The following PTPN9 variants were observed in gnomAD, a reference collection of about 807,000 sequenced individuals.
The protein encoded by PTPN9 is protein tyrosine phosphatase non-receptor type 9.
Under a neutral mutation model 69.8 loss-of-function variants are expected in PTPN9, and 26 were observed. That is an observed-to-expected ratio of 0.37 (90% confidence interval 0.27 to 0.52). The LOEUF (loss-of-function observed/expected upper bound fraction) is 0.52. Among genes scored for constraint, PTPN9 ranks in the 20% least tolerant of loss-of-function variants. PTPN9 has a pLI of 0.91. For missense variants in PTPN9, 549 were observed against 740.3 expected (o/e 0.74, Z 3.00); for synonymous variants, 274 against 272.5 (o/e 1.01, Z -0.05).
chr15:75,561,299 G>C (rs1414162865), intron 1 of PTPN9, among the ~76,000 whole-genome samples: 1 of 147,710 alleles, frequency 6.8e-6, no homozygotes, highest in Non-Finnish European at 1.5e-5. Context: ...TGGGCAACAA[G>C]AACAAAACTC....
chr15:75,498,957 A>C (rs2074758548), intron 7 of PTPN9, among the ~76,000 whole-genome samples: 1 of 152,216 alleles, frequency 6.6e-6, no homozygotes, highest in South Asian at 2.1e-4. Flanking sequence ...TATCTATATT[A>C]ACATTCTGGC....
intron 1 of PTPN9, among the ~76,000 whole-genome samples, chr15:75,566,183 G>A (rs1395184490): frequency 2.0e-5 from 3 of 150,782 alleles, no homozygotes; most frequent in South Asian, 4.2e-4. Context: ...AGCCACAAAG[G>A]AAGCTGAGGG....
intron 7 of PTPN9, among the ~76,000 whole-genome samples, chr15:75,491,281 T>C (rs2074709438): frequency 6.6e-6 from 1 of 151,298 alleles, no homozygotes; most frequent in African/African-American, 2.4e-5. Flanking sequence ...CACACACCTG[T>C]AATCCCAGCT....
At position 75,466,659 on chromosome 15, in the gene PTPN9, G is replaced by A. The variant is rs1168622383; in HGVS notation, c.*2110C>T. 6.6e-6 allele frequency: 1 copy of A among 152,192 alleles called. No individual in the cohort carries two copies. The highest frequency in any genetic ancestry group is 1.5e-5 in the Non-Finnish European group (1 of 68,044). 9.4% of individuals were successfully genotyped at this position (152,192 alleles called of 1,614,324 possible). A position where few individuals can be genotyped will look rare whatever the true frequency, so the allele number is the denominator to read the frequency against. On this transcript the variant is annotated 3_prime_UTR_variant, in exon 13 of 13. Coordinates refer to ENST00000618819, the MANE Select transcript of PTPN9 (RefSeq NM_002833.4). The stretch of plus-strand genomic sequence containing the variant: ...TTTAAGAACTTTTTTTACTCTGAAA[G>A]GAGAGCTAAACAAACCTCTGTTCTC...
At chr15:75,536,812 A>G (rs1322069074) in intron 1 of PTPN9, among the ~76,000 whole-genome samples, 3 of 152,160 alleles carry the variant, frequency 2.0e-5, no homozygotes, top group African/African-American at 7.2e-5. Flanking sequence ...AATAACTATA[A>G]GCAGTGGGGA....
chr15:75,578,771 C>A lies in PTPN9; in HGVS notation c.6G>T (p.Glu2Asp). 1 of 1,259,982 alleles carries A rather than the reference C, an allele frequency of 7.9e-7. No homozygotes were observed. Among genetic ancestry groups the A allele is most frequent in the Non-Finnish European group, 1.0e-6 (1 of 1,003,994 alleles). 78.1% of individuals were successfully genotyped at this position (1,259,982 alleles called of 1,614,324 possible). A position where few individuals can be genotyped will look rare whatever the true frequency, so the allele number is the denominator to read the frequency against. ...TGTCGGGCCGGGGCGCGGTCGCGGG[C>A]TCCATCCCCCCGCCACCGCCGCCGG... M[E>D]PATAPRPDMA... Residue 2 changes from glutamate to aspartate, a missense_variant, in exon 1 of 13, where the codon GAG becomes GAT. By Grantham distance (45) the Glu-to-Asp change is conservative (BLOSUM62 2). This residue lies in a region of PTPN9 where 62 missense variants were observed against 53.6 expected (regional missense o/e 1.16). Transcript: ENST00000618819.
At chr15:75,494,364 CAGGGGGTGGACAG>C (rs2074728113) in intron 7 of PTPN9, among the ~76,000 whole-genome samples, 1 of 151,308 alleles carries the variant, frequency 6.6e-6, no homozygotes, top group South Asian at 2.1e-4. Context: ...TTTTTTTTTG[CAGGGGGTGGACAG>C]AGTCTCGCTC....
chr15:75,503,797 A>C (rs1595955026), intron 7 of PTPN9, among the ~76,000 whole-genome samples: 1 of 86,038 alleles, frequency 1.2e-5, no homozygotes, highest in Non-Finnish European at 2.3e-5. Context: ...CCCGTCCGGG[A>C]GGGAGGTGGG....
At chr15:75,530,670 TTA>T (rs1389573148) in intron 1 of PTPN9, among the ~76,000 whole-genome samples, 1 of 53,234 alleles carries the variant, frequency 1.9e-5, no homozygotes, top group Non-Finnish European at 2.9e-5. Context: ...TAATATACTA[TTA>T]TATATATTAT....
rs138371293 is a variant in PTPN9, at chr15:75,484,844, A to G, written c.1063-4930T>C. 2.9e-4 allele frequency among the ~76,000 whole-genome samples: 44 copies of G among 152,322 alleles called. No individual in the cohort carries two copies. The East Asian group carries it at 7.1e-3, about 25-fold the overall frequency. On this transcript the variant is annotated intron_variant, in intron 8 of 12. Transcript: ENST00000618819. ...CACTGGGTGGGCAGTCTGAACTGTCAGTATCCCATAGCTAACCTCCTAAGA... is the reference window on the plus strand; with the variant it reads ...CACTGGGTGGGCAGTCTGAACTGTCGGTATCCCATAGCTAACCTCCTAAGA...
At chr15:75,555,412 C>A (rs190967997) in intron 1 of PTPN9, among the ~76,000 whole-genome samples, 182 of 152,254 alleles carry the variant, frequency 1.2e-3, no homozygotes, top group Non-Finnish European at 2.1e-3. Flanking sequence ...ATACATATTA[C>A]TGGATCCCAC....
chr15:75,538,913 T>TA (rs2074996557), intron 1 of PTPN9, among the ~76,000 whole-genome samples: 1 of 152,040 alleles, frequency 6.6e-6, no homozygotes, highest in Non-Finnish European at 1.5e-5. Flanking sequence ...TTCACACCTG[T>TA]AACCCCAACA....
At position 75,505,865 on chromosome 15, in the gene PTPN9, G is replaced by A; in HGVS notation, c.778C>T (p.Pro260Ser). Residue 260 changes from proline (P) to serine (S), a missense_variant, in exon 7 of 13, where the codon CCC becomes TCC. By Grantham distance (74) the Pro-to-Ser change is moderately conservative. Coordinates refer to ENST00000618819, the MANE Select transcript of PTPN9 (RefSeq NM_002833.4). ...FLPQVNGHPD[P>S]FDEIILFSLP... The stretch of plus-strand genomic sequence containing the variant: ...GAGAACAGGATGATCTCATCGAAGG[G>A]ATCTGGGTGGCCGTTCACCTGGGGT... 1 of 1,614,176 alleles carries A rather than the reference G, an allele frequency of 6.2e-7. No homozygotes were observed. The highest frequency in any genetic ancestry group is 8.5e-7 in the Non-Finnish European group (1 of 1,180,038).
intron 7 of PTPN9, among the ~76,000 whole-genome samples, chr15:75,505,140 GTTGATCGGTGAC>G (rs1292124792): frequency 1.3e-5 from 2 of 151,824 alleles, no homozygotes; most frequent in East Asian, 1.9e-4. Flanking sequence ...TTGGGATCCT[GTTGATCGGTGAC>G]CTTACCCCCA....
At chr15:75,521,612 G>A (rs576724925) in intron 4 of PTPN9, among the ~76,000 whole-genome samples, 5 of 152,100 alleles carry the variant, frequency 3.3e-5, no homozygotes, top group East Asian at 1.9e-4. Flanking sequence ...TTGGGAGGCC[G>A]AGATGGGAGG....
intron 1 of PTPN9, among the ~76,000 whole-genome samples, chr15:75,544,028 C>T (rs1269549152): frequency 6.6e-6 from 1 of 152,154 alleles, no homozygotes; most frequent in African/African-American, 2.4e-5. Context: ...CACAAGCTGG[C>T]ATCTCTCCTC....
intron 7 of PTPN9, 91 bp from the exon 8 acceptor site, chr15:75,490,392 T>G: frequency 1.2e-6 from 1 of 861,040 alleles, no homozygotes; most frequent in Non-Finnish European, 2.0e-6. Flanking sequence ...GGGTGTCAAT[T>G]ACTCTTAGGG....
chr15:75,505,563 C>G (rs537133755), intron 7 of PTPN9, 112 bp downstream of exon 7: 5 of 742,124 alleles, frequency 6.7e-6, no homozygotes, highest in South Asian at 5.5e-5. Context: ...GTGATGTTCC[C>G]TAACATAAGG....
chr15:75,528,165 C>G (rs1405226941), intron 1 of PTPN9, among the ~76,000 whole-genome samples: 1 of 152,154 alleles, frequency 6.6e-6, no homozygotes, highest in African/African-American at 2.4e-5. Flanking sequence ...TCAATAACAG[C>G]CCCTCTGGAT....
Sources: gnomAD v4.1 joint callset for allele counts (sites outside exome capture counted in the v4.1 genomes callset) on GRCh38, gnomAD v4.1.1 for gene constraint, gnomAD v4.1.1 regional missense constraint, MANE v1.5 for transcripts, NCBI Gene and HGNC (gene_info 2026-07-23, HGNC 2026-07-21) for gene names.